Variants in CTNND2 observed in about 807,000 individuals in gnomAD.
The protein encoded by CTNND2 is catenin delta-2.
Under a neutral mutation model 144.4 loss-of-function variants are expected in CTNND2, and 22 were observed. That is an observed-to-expected ratio of 0.15 (90% CI 0.11 to 0.22). CTNND2 has a LOEUF of 0.22. CTNND2 is among the 10% of genes least tolerant of loss of function. The pLI, the probability that CTNND2 is intolerant of heterozygous loss-of-function variation, is 1.00. For missense variants in CTNND2, 1,353 were observed against 1,618.8 expected, an observed-to-expected ratio of 0.84 and a Z score of 2.82; for synonymous variants, 751 against 695.6, an observed-to-expected ratio of 1.08 and a Z score of -1.25.
intron 2 of CTNND2, among the ~76,000 whole-genome samples, chr5:11,670,038 G>C (rs1464480179): frequency 6.6e-6 from 1 of 152,154 alleles, no homozygotes; most frequent in African/African-American, 2.4e-5. Flanking sequence ...AGGTTGTTCA[G>C]TTTCCATGTA....
At chr5:11,021,949 T>A (rs913900661) in intron 17 of CTNND2, among the ~76,000 whole-genome samples, 1 of 152,182 alleles carries the variant, frequency 6.6e-6, no homozygotes, top group Non-Finnish European at 1.5e-5. Flanking sequence ...TTAGTGAAGG[T>A]TTCTGTAAAA....
intron 9 of CTNND2, among the ~76,000 whole-genome samples, chr5:11,259,862 C>T (rs1744679912): frequency 6.6e-6 from 1 of 152,158 alleles, no homozygotes; most frequent in Non-Finnish European, 1.5e-5. Context: ...GGATTTAGCT[C>T]ACTGTATCAA....
At chr5:11,236,506 C>T (rs1296840383) in intron 10 of CTNND2, among the ~76,000 whole-genome samples, 185 bp downstream of exon 10, 2 of 152,092 alleles carry the variant, frequency 1.3e-5, no homozygotes, top group Non-Finnish European at 2.9e-5. Context: ...TACTAAAAAA[C>T]GAAGAATGCA....
chr5:11,053,431 C>T lies in CTNND2; in HGVS notation c.2788+29265G>A, dbSNP rs189231984. The stretch of plus-strand genomic sequence containing the variant: ...TAAAATCCTTCCTGAGAATCCTCAT[C>T]TCAAAGGATTTGCTGAAAAATATAT... On this transcript the variant is annotated intron_variant, in intron 16 of 21. Coordinates refer to ENST00000304623, the MANE Select transcript of CTNND2 (RefSeq NM_001332.4). 1.3e-3 allele frequency among the ~76,000 whole-genome samples: 204 copies of T among 152,356 alleles called. No homozygotes were observed. The Middle Eastern group carries it at 0.014, about 10-fold the overall frequency.
Position 11,291,064 on chromosome 5 carries a change from C to T in CTNND2, c.1629-54241G>A, listed in dbSNP as rs115781699. Among the ~76,000 whole-genome samples the T allele has an allele frequency of 4.9e-3, 743 of 152,026 alleles. 7 individuals carry two copies. The highest frequency in any genetic ancestry group is 8.5e-3 in the South Asian group (41 of 4,816). On this transcript the variant is annotated intron_variant, in intron 9 of 21. Transcript: ENST00000304623. Reference sequence around the variant, plus strand: ...TGAAGAGAAGTGATCATGGATTAACCATCTTCAAGGAATTGCGGGTCTCCT... The same window carrying T: ...TGAAGAGAAGTGATCATGGATTAACTATCTTCAAGGAATTGCGGGTCTCCT...
At chr5:11,641,896 T>C (rs975827100) in intron 2 of CTNND2, among the ~76,000 whole-genome samples, 1 of 151,794 alleles carries the variant, frequency 6.6e-6, no homozygotes, top group African/African-American at 2.4e-5. Context: ...ATTAAAAGGA[T>C]TCTTTAGGTA....
At chr5:11,535,190 A>G (rs1279178861) in intron 3 of CTNND2, among the ~76,000 whole-genome samples, 1 of 150,414 alleles carries the variant, frequency 6.6e-6, no homozygotes, top group Non-Finnish European at 1.5e-5. Flanking sequence ...TCTGTCTTAA[A>G]AAAAAAAAAA....
intron 6 of CTNND2, among the ~76,000 whole-genome samples, chr5:11,390,608 G>T (rs1482353807): frequency 6.6e-6 from 1 of 152,220 alleles, no homozygotes; most frequent in Non-Finnish European, 1.5e-5. Context: ...GTCCTGTGAA[G>T]ATGCATTTAG....
At chr5:11,579,374 T>G (rs1415209329) in intron 2 of CTNND2, among the ~76,000 whole-genome samples, 2 of 152,170 alleles carry the variant, frequency 1.3e-5, no homozygotes, top group Non-Finnish European at 2.9e-5. Context: ...ATTGCTCCAA[T>G]GTGCGGAAGT....
chr5:11,602,761 TATTAATAGATATAA>T (rs1373470408), intron 2 of CTNND2, among the ~76,000 whole-genome samples: 12 of 145,366 alleles, frequency 8.3e-5, no homozygotes, highest in South Asian at 2.1e-4. Flanking sequence ...ATAGATATAT[TATTAATAGATATAA>T]ATTAATAGAT....
intron 3 of CTNND2, among the ~76,000 whole-genome samples, chr5:11,542,623 T>C (rs1397012797): frequency 3.9e-5 from 6 of 152,234 alleles, no homozygotes; most frequent in African/African-American, 1.4e-4. Flanking sequence ...AGAAGGCATA[T>C]AATCCAGTCA....
intron 1 of CTNND2, among the ~76,000 whole-genome samples, chr5:11,868,213 A>G (rs1005223217): frequency 2.0e-5 from 3 of 152,000 alleles, no homozygotes; most frequent in African/African-American, 7.2e-5. Flanking sequence ...ACTAGCCCCA[A>G]CTAAGACCTG....
chr5:11,485,325 CAG>C (rs748159759), intron 3 of CTNND2, among the ~76,000 whole-genome samples: 1 of 149,908 alleles, frequency 6.7e-6, no homozygotes, highest in East Asian at 2.0e-4. Flanking sequence ...CACTTCTTAA[CAG>C]AGAGAGAGAG....
chr5:11,865,902 C>CAAAAAGAAAAAAAA (rs1795741024), intron 1 of CTNND2, among the ~76,000 whole-genome samples: 1 of 87,426 alleles, frequency 1.1e-5, no homozygotes, highest in South Asian at 5.4e-4. Flanking sequence ...CTGGAAGAGA[C>CAAAAAGAAAAAAAA]AAAAAAAAAA....
At chr5:11,354,664 T>C (rs990793088) in intron 8 of CTNND2, among the ~76,000 whole-genome samples, 13 of 152,152 alleles carry the variant, frequency 8.5e-5, no homozygotes, top group Non-Finnish European at 1.9e-4. Context: ...AGTAGGGAAC[T>C]TCAACCCCCC....
intron 1 of CTNND2, among the ~76,000 whole-genome samples, chr5:11,856,575 G>A (rs372415277): frequency 6.6e-6 from 1 of 152,128 alleles, no homozygotes; most frequent in Admixed American, 6.5e-5. Flanking sequence ...GGGAAGAAGC[G>A]GAAGTAAAAA....
At chr5:11,380,088 A>G (rs1236629996) in intron 7 of CTNND2, among the ~76,000 whole-genome samples, 1 of 152,150 alleles carries the variant, frequency 6.6e-6, no homozygotes. Flanking sequence ...CCAGGTGCAC[A>G]CTGAACCCCA....
At chr5:11,409,452 G>A (rs1047194915) in intron 5 of CTNND2, among the ~76,000 whole-genome samples, 1 of 151,932 alleles carries the variant, frequency 6.6e-6, no homozygotes, top group Non-Finnish European at 1.5e-5. Flanking sequence ...TCAACATTTT[G>A]TGGCTTTCCC....
At chr5:11,194,874 G>A (rs1339133232) in intron 11 of CTNND2, among the ~76,000 whole-genome samples, 1 of 152,144 alleles carries the variant, frequency 6.6e-6, no homozygotes, top group Non-Finnish European at 1.5e-5. Flanking sequence ...TTCTTTTAAA[G>A]AGATGATATT....
Sources: allele counts gnomAD v4.1 joint callset (sites outside exome capture counted in the v4.1 genomes callset), GRCh38; gene constraint gnomAD v4.1.1; transcripts MANE v1.5; gene names NCBI Gene and HGNC (gene_info 2026-07-23, HGNC 2026-07-21).